Variants in ZNF385D observed in about 807,000 individuals in gnomAD.
ZNF385D encodes the protein zinc finger protein 659.
A neutral mutation model predicts 35.8 loss-of-function variants in ZNF385D; 15 were observed. The ratio of observed to expected loss-of-function variants is 0.42; its 90% CI spans 0.28 to 0.64. The LOEUF (loss-of-function observed/expected upper bound fraction) is 0.64. ZNF385D is among the 30% of genes least tolerant of loss of function. The probability of loss-of-function intolerance (pLI) is 0.23; values close to 1 mark genes in which losing one functional copy is unlikely to be tolerated. For synonymous variants in ZNF385D, 212 were observed against 186.8 expected (o/e 1.13, Z -1.10); for missense variants, 474 against 494.6 (o/e 0.96, Z 0.39).
At chr3:21,814,158 T>C (rs944830565) in intron 3 of ZNF385D, among the ~76,000 whole-genome samples, 7 of 152,174 alleles carry the variant, frequency 4.6e-5, no homozygotes, top group Non-Finnish European at 1.0e-4. Flanking sequence ...CTGAGAGATT[T>C]TGTCACCAAC....
At chr3:22,039,139 T>C (rs59798829) in intron 3 of ZNF385D, among the ~76,000 whole-genome samples, 6,676 of 150,778 alleles carry the variant, frequency 0.044, 523 homozygotes, top group African/African-American at 0.15. Context: ...AGCAAAACTA[T>C]GTAAAAAGTA....
intron 1 of ZNF385D, among the ~76,000 whole-genome samples, chr3:21,743,781 T>A (rs1446064895): frequency 6.6e-6 from 1 of 152,196 alleles, no homozygotes; most frequent in African/African-American, 2.4e-5. Flanking sequence ...AAACATTCAG[T>A]CCATAACACC....
chr3:21,878,793 T>C (rs1013349414), intron 3 of ZNF385D, among the ~76,000 whole-genome samples: 1 of 152,126 alleles, frequency 6.6e-6, no homozygotes, highest in African/African-American at 2.4e-5. Context: ...GCCTGTCATA[T>C]AGCATTTTGT....
intron 3 of ZNF385D, among the ~76,000 whole-genome samples, chr3:22,088,604 G>A (rs1701165137): frequency 6.6e-6 from 1 of 152,124 alleles, no homozygotes; most frequent in South Asian, 2.1e-4. Flanking sequence ...AGTGGCACCG[G>A]GAGAACAGAG....
intron 2 of ZNF385D, among the ~76,000 whole-genome samples, chr3:22,238,696 G>A (rs1291226941): frequency 1.3e-5 from 2 of 150,562 alleles, no homozygotes; most frequent in African/African-American, 4.9e-5. Context: ...ATGTATTTGT[G>A]TGTATATGTG....
rs564566166 is a variant in ZNF385D at position 21,564,801 on chromosome 3, T to TAAAG, written c.166-121_166-118dup. The TAAAG allele has an allele frequency of 2.7e-3, 1,234 of 451,676 alleles. 4 individuals are homozygous for TAAAG. The highest frequency in any genetic ancestry group is 4.3e-3 in the Middle Eastern group (9 of 2,102). The allele number at this position is 451,676 out of a possible 1,614,324, so 28.0% of individuals were successfully genotyped here. On this transcript the variant is annotated intron_variant, in intron 2 of 7. Coordinates refer to ENST00000281523, the MANE Select transcript of ZNF385D (RefSeq NM_024697.3). ...CAGCTTCAATCTACTGCTCACATTA[T>TAAAG]AAAGAACCTTTTTATTCTAAGAAAC...
chr3:22,031,308 A>G (rs765263441), intron 3 of ZNF385D, among the ~76,000 whole-genome samples: 3 of 152,152 alleles, frequency 2.0e-5, no homozygotes, highest in Non-Finnish European at 4.4e-5. Context: ...GCCCTAGTAG[A>G]GGTTCTTCAT....
At chr3:22,037,131 T>C (rs1698377084) in intron 3 of ZNF385D, among the ~76,000 whole-genome samples, 1 of 152,062 alleles carries the variant, frequency 6.6e-6, no homozygotes, top group Non-Finnish European at 1.5e-5. Context: ...TTTGGGTTGG[T>C]TCCAAGTCTT....
chr3:21,593,123 C>T (rs2064030253), intron 2 of ZNF385D, among the ~76,000 whole-genome samples: 2 of 152,108 alleles, frequency 1.3e-5, no homozygotes, highest in South Asian at 4.1e-4. Context: ...TGCTTTTGCT[C>T]ATCTTTCTTT....
chr3:21,815,874 C>CA (rs955477024), intron 3 of ZNF385D, among the ~76,000 whole-genome samples: 24 of 151,646 alleles, frequency 1.6e-4, no homozygotes, highest in African/African-American at 2.7e-4. Context: ...AGAGACACAA[C>CA]AAAAAAAAGA....
chr3:21,518,970 G>A (rs1206103355), intron 3 of ZNF385D, among the ~76,000 whole-genome samples: 4 of 152,092 alleles, frequency 2.6e-5, no homozygotes, highest in Non-Finnish European at 5.9e-5. Context: ...GAATAAAAAT[G>A]AATATTCACT....
rs201928182 is a variant in ZNF385D at position 21,933,306 on chromosome 3, C to G, written c.325+235511G>C. ...GTTCATCACAGCTTCTTTTGTTTCT[C>G]TGTCCCCAGAAGAAATTTCTCTGAC... On this transcript the variant is annotated intron_variant, in intron 3 of 5. Transcript: ENST00000494108. Among the ~76,000 whole-genome samples, 22 of 152,314 alleles carry G rather than the reference C, an allele frequency of 1.4e-4. No homozygotes were observed. The East Asian group carries it at 2.9e-3, about 20-fold the overall frequency.
intron 2 of ZNF385D, among the ~76,000 whole-genome samples, chr3:22,293,844 T>C (rs954824010): frequency 3.9e-5 from 6 of 152,128 alleles, no homozygotes; most frequent in Non-Finnish European, 8.8e-5. Context: ...TAGTGATCTG[T>C]TCCTGCAATC....
chr3:21,837,483 T>C (rs771012904), intron 3 of ZNF385D, among the ~76,000 whole-genome samples: 23 of 152,086 alleles, frequency 1.5e-4, no homozygotes, highest in Non-Finnish European at 2.8e-4. Flanking sequence ...TTCAGGGTAG[T>C]GCTCCAAGTG....
At chr3:22,186,591 A>T (rs143603669) in intron 2 of ZNF385D, among the ~76,000 whole-genome samples, 202 of 152,238 alleles carry the variant, frequency 1.3e-3, no homozygotes, top group African/African-American at 4.4e-3. Context: ...TCTGATTTTG[A>T]TCTGACTTTC....
intron 3 of ZNF385D, among the ~76,000 whole-genome samples, chr3:22,167,391 C>A (rs1706405047): frequency 1.3e-5 from 2 of 152,164 alleles, no homozygotes; most frequent in Non-Finnish European, 2.9e-5. Context: ...GAGAAACTAC[C>A]CAACTGTGGG....
At chr3:22,110,624 T>C (rs1467120625) in intron 3 of ZNF385D, among the ~76,000 whole-genome samples, 1 of 149,240 alleles carries the variant, frequency 6.7e-6, no homozygotes, top group Admixed American at 6.7e-5. Context: ...AACATCACAC[T>C]CCAGGGCCTG....
At position 21,544,258 on chromosome 3, in the gene ZNF385D, CT is replaced by C. The variant is rs201983123; in HGVS notation, c.276+20315del. Among the ~76,000 whole-genome samples the C allele has an allele frequency of 2.0e-5, 3 of 152,134 alleles. No individual in the cohort carries two copies. In the East Asian group the frequency reaches 5.8e-4, roughly 29 times the overall value. On this transcript the variant is annotated intron_variant, in intron 3 of 7. Coordinates refer to ENST00000281523, the MANE Select transcript of ZNF385D (RefSeq NM_024697.3). ...TTGCCAGCTTCGCAATTGGTAAGGC[CT>C]GGGGACATATGGAACTAACCACAGA...
At chr3:21,897,735 T>C (rs376385349) in intron 3 of ZNF385D, among the ~76,000 whole-genome samples, 63 of 152,164 alleles carry the variant, frequency 4.1e-4, no homozygotes, top group African/African-American at 1.5e-3. Context: ...GCACAGTGGG[T>C]GTATGGGTGC....
Sources: gnomAD v4.1 joint callset for allele counts (sites outside exome capture counted in the v4.1 genomes callset) on GRCh38, gnomAD v4.1.1 for gene constraint, MANE v1.5 for transcripts, NCBI Gene and HGNC (gene_info 2026-07-23, HGNC 2026-07-21) for gene names.